The following LIMK1 variants were observed in gnomAD, a reference collection of about 807,000 sequenced individuals.
LIMK1 encodes the protein LIM motif-containing protein kinase.
LIMK1 carries 21 observed loss-of-function variants against 77.6 expected under a neutral mutation model. That is an observed-to-expected ratio of 0.27 (90% confidence interval 0.19 to 0.39). LIMK1 has a LOEUF of 0.39. LIMK1 is among the 10% of genes least tolerant of loss of function. The probability of loss-of-function intolerance (pLI) is 1.00; values close to 1 mark genes in which losing one functional copy is unlikely to be tolerated. For synonymous variants in LIMK1, 358 were observed against 370.0 expected, an observed-to-expected ratio of 0.97 and a Z score of 0.37; for missense variants, 696 against 901.6, an observed-to-expected ratio of 0.77 and a Z score of 2.92.
intron 13 of LIMK1, among the ~76,000 whole-genome samples, chr7:74,119,684 G>T (rs1799893228): frequency 6.6e-6 from 1 of 151,512 alleles, no homozygotes; most frequent in Non-Finnish European, 1.5e-5. Flanking sequence ...GAGGCGGGCA[G>T]ATCACTGGAG....
intron 12 of LIMK1, among the ~76,000 whole-genome samples, chr7:74,114,862 C>T (rs1554699149): frequency 6.7e-6 from 1 of 148,808 alleles, no homozygotes; most frequent in Non-Finnish European, 1.5e-5. Flanking sequence ...TTGCAGTGAG[C>T]TGAGATCGTG....
chr7:74,109,084 AAGC>A, intron 10 of LIMK1, 48 bp downstream of exon 10: 1 of 1,449,952 alleles, frequency 6.9e-7, no homozygotes, highest in Non-Finnish European at 9.5e-7. Context: ...GCCCCGGGCA[AAGC>A]AGCTCCCTCT....
chr7:74,117,072 G>A (rs1348320879), intron 13 of LIMK1, among the ~76,000 whole-genome samples: 1 of 152,054 alleles, frequency 6.6e-6, no homozygotes. Context: ...TAGTAGAAAC[G>A]GGGTTTCACC....
chr7:74,093,382 C>T (rs782088565), intron 2 of LIMK1: 47 of 1,488,206 alleles, frequency 3.2e-5, no homozygotes, highest in Non-Finnish European at 4.1e-5. Flanking sequence ...AGCCGACCCA[C>T]CTAGGTCCAG....
chr7:74,101,537 C>T (rs1339533417), intron 5 of LIMK1, among the ~76,000 whole-genome samples: 4 of 152,104 alleles, frequency 2.6e-5, no homozygotes, highest in Non-Finnish European at 5.9e-5. Context: ...CAGTTAATGA[C>T]GTCTCCTCCC....
chr7:74,115,556 G>A, intron 12 of LIMK1: 1 of 472,680 alleles, frequency 2.1e-6, no homozygotes, highest in Non-Finnish European at 3.8e-6. Flanking sequence ...TGGGGAGGGG[G>A]CAGAGGGTGC....
chr7:74,084,938 C>T (rs1799106592), intron 1 of LIMK1, among the ~76,000 whole-genome samples: 1 of 152,200 alleles, frequency 6.6e-6, no homozygotes, highest in Non-Finnish European at 1.5e-5. Flanking sequence ...TTCCTGTAGC[C>T]CCTGCCTACC....
chr7:74,096,267 C>T (rs1292442074), intron 2 of LIMK1, among the ~76,000 whole-genome samples: 8 of 151,288 alleles, frequency 5.3e-5, no homozygotes, highest in African/African-American at 7.3e-5. Context: ...TTTGGGAGGC[C>T]GAGGTGGGCG....
intron 1 of LIMK1, among the ~76,000 whole-genome samples, chr7:74,084,900 G>A (rs1799105239): frequency 6.6e-6 from 1 of 152,182 alleles, no homozygotes; most frequent in South Asian, 2.1e-4. Flanking sequence ...CCAGGCCCAT[G>A]AAAACCTGAT....
intron 7 of LIMK1, 71 bp from the exon 8 acceptor site, chr7:74,106,939 A>T (rs1302852559): frequency 1.4e-6 from 2 of 1,392,512 alleles, no homozygotes; most frequent in East Asian, 2.5e-5. Flanking sequence ...AGGCAGGAGG[A>T]GGAAGGGGCA....
rs1376761941 is a variant in LIMK1 at position 74,086,714 on chromosome 7, C to A, written c.152+870C>A. ...TAAATCTTAGAGAGGATGGGAGAGA[C>A]CTCCAATTGAGCCAGTGCCTGCAAT... On this transcript the variant is annotated intron_variant, in intron 2 of 15. Transcript: ENST00000336180. 2.6e-5 allele frequency among the ~76,000 whole-genome samples: 4 copies of A among 151,924 alleles called. No individual in the cohort carries two copies. In the East Asian group the frequency reaches 7.7e-4, roughly 29 times the overall value.
chr7:74,097,216 C>T (rs1554695807), intron 4 of LIMK1, 27 bp downstream of exon 4: 3 of 1,455,810 alleles, frequency 2.1e-6, no homozygotes, highest in Admixed American at 2.0e-5. Context: ...CTCCCTGAGC[C>T]TAGGAGGCCC....
chr7:74,119,831 C>G lies in LIMK1; in HGVS notation c.1568-752C>G, dbSNP rs193200716. ...ATTGAGGCAGGAGAATCGCTTGAAC[C>G]CAGGAGGCAGAGGTTGCAGTGAGCC... is the stretch of plus-strand genomic sequence containing the variant. On this transcript the variant is annotated intron_variant, in intron 13 of 15. Coordinates refer to ENST00000336180, the MANE Select transcript of LIMK1 (RefSeq NM_002314.4). Among the ~76,000 whole-genome samples, 647 of 152,130 alleles carry G rather than the reference C, an allele frequency of 4.3e-3. 4 individuals are homozygous for G. Among genetic ancestry groups the G allele is most frequent in the African/African-American group, 0.015 (636 of 41,528 alleles).
intron 7 of LIMK1, 71 bp from the exon 8 acceptor site, chr7:74,106,939 A>G: frequency 7.2e-7 from 1 of 1,392,512 alleles, no homozygotes; most frequent in Non-Finnish European, 9.6e-7. Flanking sequence ...AGGCAGGAGG[A>G]GGAAGGGGCA....
chr7:74,098,815 G>A (rs1318983775), intron 4 of LIMK1, among the ~76,000 whole-genome samples: 1 of 151,590 alleles, frequency 6.6e-6, no homozygotes, highest in Non-Finnish European at 1.5e-5. Context: ...CTGCACTTTT[G>A]GACAATTGCT....
intron 13 of LIMK1, among the ~76,000 whole-genome samples, chr7:74,120,052 TG>T (rs1799899426): frequency 6.6e-6 from 1 of 152,172 alleles, no homozygotes; most frequent in South Asian, 2.1e-4. Flanking sequence ...TTTGCATTCC[TG>T]GGCTTGTGGC....
chr7:74,096,856 T>A, intron 3 of LIMK1, 96 bp downstream of exon 3: 1 of 1,443,262 alleles, frequency 6.9e-7, no homozygotes, highest in Non-Finnish European at 9.3e-7. Flanking sequence ...TCTCCTGGTC[T>A]CCTTTTTGCT....
At position 74,105,917 on chromosome 7, in the gene LIMK1, C is replaced by T; in HGVS notation, c.651C>T (p.Ile217=). The part of the protein sequence containing the change: ...GCMSPDVKNS[I]HVGDRILEIN... Reference sequence around the variant, plus strand: ...TGAGCCCAGATGTGAAGAATTCCATCCACGTCGGAGACCGGATCTTGGAAA... The same window carrying T: ...TGAGCCCAGATGTGAAGAATTCCATTCACGTCGGAGACCGGATCTTGGAAA... Residue 217 remains isoleucine, a synonymous_variant, in exon 6 of 16, where the codon ATC becomes ATT. Transcript: ENST00000336180. 6.2e-7 allele frequency: 1 copy of T among 1,614,054 alleles called. No individual in the cohort carries two copies. Among genetic ancestry groups the T allele is most frequent in the Non-Finnish European group, 8.5e-7 (1 of 1,180,030 alleles).
intron 2 of LIMK1, among the ~76,000 whole-genome samples, chr7:74,096,316 A>G (rs1554695588): frequency 6.6e-6 from 1 of 151,612 alleles, no homozygotes; most frequent in African/African-American, 2.4e-5. Context: ...CCTGGCCAAG[A>G]TGGTGAAACC....
Sources: gnomAD v4.1 joint callset for allele counts (sites outside exome capture counted in the v4.1 genomes callset) on GRCh38, gnomAD v4.1.1 for gene constraint, MANE v1.5 for transcripts, NCBI Gene and HGNC (gene_info 2026-07-23, HGNC 2026-07-21) for gene names.